Variants in USP8 observed in about 807,000 individuals in gnomAD.
The protein encoded by USP8 is ubiquitin carboxyl-terminal hydrolase 8.
USP8 carries 27 observed loss-of-function variants against 130.0 expected under a neutral mutation model. The observed-to-expected ratio is 0.21, with a 90% CI of 0.15 to 0.29. The LOEUF (loss-of-function observed/expected upper bound fraction) is 0.29, where lower values mean the gene tolerates loss of function less well. Among genes scored for constraint, USP8 ranks in the 10% least tolerant of loss-of-function variants. USP8 has a pLI of 1.00. For missense variants in USP8, 1,029 were observed against 1,312.2 expected (o/e 0.78, Z 3.33); for synonymous variants, 392 against 444.1 (o/e 0.88, Z 1.48).
chr15:50,482,940 C>T (rs908506321), intron 11 of USP8, among the ~76,000 whole-genome samples: 1 of 152,196 alleles, frequency 6.6e-6, no homozygotes, highest in East Asian at 1.9e-4. Flanking sequence ...GAACACTTAT[C>T]TGGTAACCTC....
intron 3 of USP8, among the ~76,000 whole-genome samples, chr15:50,448,282 A>G (rs774541974): frequency 2.0e-5 from 3 of 152,160 alleles, no homozygotes; most frequent in Non-Finnish European, 4.4e-5. Context: ...TTGCAAAGTC[A>G]TATTGACATG....
At position 50,495,854 on chromosome 15, in the gene USP8, A is replaced by C. The variant is rs762460014; in HGVS notation, c.2665A>C (p.Asn889His). Residue 889 changes from asparagine to histidine, a missense_variant, in exon 17 of 20, where the codon AAT becomes CAT. Asn to His is a moderately conservative substitution (Grantham distance 68). Coordinates refer to ENST00000307179, the MANE Select transcript of USP8 (RefSeq NM_005154.5). ...TAAATCATTTTATTTCCAGGCTGATAATCGGAAGAGATATAAAGAAGAAAA... is the reference window on the plus strand; with the variant it reads ...TAAATCATTTTATTTCCAGGCTGATCATCGGAAGAGATATAAAGAAGAAAA... ...GLHEDLNKAD[N>H]RKRYKEENND... The C allele has an allele frequency of 2.5e-6, 4 of 1,610,464 alleles. No individual in the cohort carries two copies. The East Asian group carries it at 8.9e-5, about 36-fold the overall frequency.
At position 50,440,712 on chromosome 15, in the gene USP8, C is replaced by T. The variant is rs72738962; in HGVS notation, c.105-637C>T. On this transcript the variant is annotated intron_variant, in intron 2 of 19. Coordinates refer to ENST00000307179, the MANE Select transcript of USP8 (RefSeq NM_005154.5). The stretch of plus-strand genomic sequence containing the variant: ...AGGCCTTAGATTCTCATAAAGAATG[C>T]GCAACCTTGGCTAGGCGCGGTGGCT... Among the ~76,000 whole-genome samples, 25 of 152,096 alleles carry T rather than the reference C, an allele frequency of 1.6e-4. No individual in the cohort carries two copies. The South Asian group carries it at 1.9e-3, about 11-fold the overall frequency.
chr15:50,445,892 A>G (rs535215722), intron 3 of USP8, among the ~76,000 whole-genome samples: 3 of 152,010 alleles, frequency 2.0e-5, no homozygotes, highest in African/African-American at 7.2e-5. Context: ...TAGATAAAAC[A>G]TTAATTTAGC....
chr15:50,437,700 T>C (rs894949709), intron 1 of USP8, among the ~76,000 whole-genome samples: 37 of 152,252 alleles, frequency 2.4e-4, no homozygotes, highest in African/African-American at 8.9e-4. Flanking sequence ...GTCATACTCT[T>C]TCCTCAATGG....
chr15:50,484,577 C>T (rs375669608), intron 12 of USP8, among the ~76,000 whole-genome samples: 5 of 152,080 alleles, frequency 3.3e-5, no homozygotes, highest in African/African-American at 7.2e-5. Context: ...AGTGTGACAG[C>T]GTATTCTATT....
chr15:50,504,592 T>G lies in USP8; in HGVS notation c.*5504T>G, dbSNP rs1566900437. ...AGGGCCCTTGAGCATCTGTGGATTT[T>G]GATAGTCAAAGGGATCCTGGAACCA... On this transcript the variant is annotated 3_prime_UTR_variant, in exon 20 of 20. Transcript: ENST00000307179. 1 of 152,150 alleles carries G rather than the reference T, an allele frequency of 6.6e-6. No homozygotes were observed. Among genetic ancestry groups the G allele is most frequent in the Non-Finnish European group, 1.5e-5 (1 of 68,062 alleles). The allele number at this position is 152,150 out of a possible 1,614,324, so 9.4% of individuals were successfully genotyped here.
rs767717276 is a variant in USP8, at chr15:50,484,351, A to G, written c.1880A>G (p.Glu627Gly). 6.2e-7 allele frequency: 1 copy of G among 1,610,614 alleles called. No individual in the cohort carries two copies. The highest frequency in any genetic ancestry group is 8.5e-7 in the Non-Finnish European group (1 of 1,178,846). ...GTFREDTDDT[E>G]RNKAQREPLT... ...TTTAGAGAGGATACAGACGATACCG[A>G]AAGAAATAAAGTAAGTAGTTTATTG... The change falls in exon 12 of 20, where the codon GAA becomes GGA. Residue 627 changes from glutamate (E) to glycine (G), a missense_variant. Around this residue, in one of 4 missense-constraint regions of USP8, gnomAD observed 486 missense variants for 522.0 expected, o/e 0.93. Transcript: ENST00000307179.
intron 1 of USP8, among the ~76,000 whole-genome samples, chr15:50,428,591 TAAC>T (rs142148874): frequency 0.22 from 33,009 of 152,008 alleles, 3,835 homozygotes; most frequent in East Asian, 0.42. Flanking sequence ...AACAAGAGAT[TAAC>T]AACAATAACT....
At chr15:50,493,768 C>A in intron 15 of USP8, 1 of 465,598 alleles carries the variant, frequency 2.1e-6, no homozygotes, top group Non-Finnish European at 4.0e-6. Context: ...AAAGCCTTCT[C>A]TGATTAGTAA....
intron 12 of USP8, among the ~76,000 whole-genome samples, chr15:50,487,382 G>GAC (rs1181803851): frequency 1.5e-5 from 2 of 137,202 alleles, no homozygotes; most frequent in East Asian, 2.1e-4. Flanking sequence ...GAGAGAGAGA[G>GAC]ACACACACAC....
Position 50,490,432 on chromosome 15 carries a change from A to C in USP8, c.2141A>C (p.Lys714Thr), listed in dbSNP as rs2052117491. ...AERDREPSKL[K>T]RSYSSPDITQ... ...CGGGATAGGGAACCTTCCAAACTGA[A>C]GCGCTCCTACTCCTCCCCAGATATA... Residue 714 changes from lysine (K) to threonine (T), a missense_variant, in exon 14 of 20, where the codon AAG becomes ACG. Lys to Thr is a moderately conservative substitution (Grantham distance 78). Coordinates refer to ENST00000307179, the MANE Select transcript of USP8 (RefSeq NM_005154.5). 6.2e-7 allele frequency: 1 copy of C among 1,614,160 alleles called. No homozygotes were observed. Among genetic ancestry groups the C allele is most frequent in the Non-Finnish European group, 8.5e-7 (1 of 1,180,020 alleles).
intron 6 of USP8, 39 bp downstream of exon 6, chr15:50,462,361 G>A (rs2141281999): frequency 2.6e-6 from 4 of 1,552,740 alleles, no homozygotes; most frequent in Non-Finnish European, 3.5e-6. Flanking sequence ...TTTAGGTTCT[G>A]ACTGAGATCT....
rs79398505 is a variant in USP8, at chr15:50,470,440, C to G, written c.687-1193C>G. On this transcript the variant is annotated intron_variant, in intron 7 of 19. Coordinates refer to ENST00000307179, the MANE Select transcript of USP8 (RefSeq NM_005154.5). ...CTATCTGAGGGAAGCAGATTCCAGA[C>G]AGGGAAAAAGCCAGAGCAGAGGCCC... Among the ~76,000 whole-genome samples, 1,120 of 152,076 alleles carry G rather than the reference C, an allele frequency of 7.4e-3. 10 individuals are homozygous for G. The highest frequency in any genetic ancestry group is 0.013 in the Non-Finnish European group (876 of 67,990).
At chr15:50,475,869 C>A (rs2051551635) in intron 8 of USP8, among the ~76,000 whole-genome samples, 1 of 152,088 alleles carries the variant, frequency 6.6e-6, no homozygotes, top group African/African-American at 2.4e-5. Flanking sequence ...TTCCAAAGTG[C>A]TGGGATTACA....
chr15:50,466,949 T>C lies in USP8; in HGVS notation c.686+1758T>C, dbSNP rs2051210997. The C allele has an allele frequency of 3.1e-5, 14 of 448,596 alleles. 1 individual carries two copies. The highest frequency in any genetic ancestry group is 3.1e-4 in the South Asian group (14 of 45,828). 27.8% of individuals were successfully genotyped at this position (448,596 alleles called of 1,614,324 possible). Reference sequence around the variant, plus strand: ...GAATCGCTACAAGAAAAACTCCTTTTGGTGACGGTTCTAAGACATGGGATC... The same window carrying C: ...GAATCGCTACAAGAAAAACTCCTTTCGGTGACGGTTCTAAGACATGGGATC... On this transcript the variant is annotated intron_variant, in intron 7 of 19. Coordinates refer to ENST00000307179, the MANE Select transcript of USP8 (RefSeq NM_005154.5).
At chr15:50,481,342 C>T (rs1427158146) in intron 10 of USP8, 139 bp from the exon 11 acceptor site, 6 of 559,340 alleles carry the variant, frequency 1.1e-5, no homozygotes, top group Non-Finnish European at 1.2e-5. Context: ...AATCTTGACA[C>T]TGAGTAATTA....
chr15:50,484,146 T>A, intron 11 of USP8, 129 bp from the exon 12 acceptor site: 1 of 632,286 alleles, frequency 1.6e-6, no homozygotes. Flanking sequence ...TATAATAAAA[T>A]TTTCAGAGGC....
intron 8 of USP8, among the ~76,000 whole-genome samples, chr15:50,474,720 T>C (rs966599378): frequency 6.6e-6 from 1 of 152,198 alleles, no homozygotes; most frequent in Admixed American, 6.5e-5. Flanking sequence ...ATAGACGATA[T>C]AAATGTATAG....
Sources: gnomAD v4.1 joint callset for allele counts (sites outside exome capture counted in the v4.1 genomes callset) on GRCh38, gnomAD v4.1.1 for gene constraint, gnomAD v4.1.1 regional missense constraint, MANE v1.5 for transcripts, NCBI Gene and HGNC (gene_info 2026-07-23, HGNC 2026-07-21) for gene names.